RALGPS1: variants seen among roughly 807,000 people sequenced by gnomAD.
RALGPS1 encodes ras-specific guanine nucleotide-releasing factor RalGPS1.
Under a neutral mutation model 78.8 loss-of-function variants are expected in RALGPS1, and 19 were observed. The ratio of observed to expected loss-of-function variants is 0.24; its 90% CI spans 0.17 to 0.35. The LOEUF is 0.35. Ranked by LOEUF, RALGPS1 falls within the 10% of genes least tolerant of loss-of-function variation. The pLI, the probability that RALGPS1 is intolerant of heterozygous loss-of-function variation, is 1.00. For missense variants in RALGPS1, 454 were observed against 688.3 expected (o/e 0.66, Z 3.81); for synonymous variants, 228 against 256.3 (o/e 0.89, Z 1.06).
intron 8 of RALGPS1, among the ~76,000 whole-genome samples, chr9:127,109,246 A>T (rs1166315847): frequency 6.6e-6 from 1 of 152,100 alleles, no homozygotes; most frequent in Non-Finnish European, 1.5e-5. Flanking sequence ...TGTAATACCC[A>T]TCACCGCTGT....
intron 1 of RALGPS1, among the ~76,000 whole-genome samples, chr9:126,943,997 C>T (rs1045403485): frequency 4.6e-5 from 7 of 152,230 alleles, no homozygotes; most frequent in African/African-American, 1.7e-4. Flanking sequence ...CATTATAAGC[C>T]TGGCACCCTA....
intron 8 of RALGPS1, among the ~76,000 whole-genome samples, chr9:127,102,355 G>A: frequency 6.6e-6 from 1 of 151,296 alleles, no homozygotes; most frequent in East Asian, 1.9e-4. Context: ...TGGGGGTGGG[G>A]GTGGAGGGGG....
chr9:127,175,417 T>G (rs1351168838), intron 11 of RALGPS1, among the ~76,000 whole-genome samples: 1 of 152,256 alleles, frequency 6.6e-6, no homozygotes, highest in African/African-American at 2.4e-5. Context: ...TAAAGTGCTC[T>G]GCTCACACTG....
chr9:127,043,381 A>G (rs968777970), intron 5 of RALGPS1, among the ~76,000 whole-genome samples: 5 of 135,560 alleles, frequency 3.7e-5, no homozygotes, highest in Admixed American at 7.6e-5. Context: ...GGAAGAATTT[A>G]AATATTTGTG....
intron 8 of RALGPS1, among the ~76,000 whole-genome samples, chr9:127,113,649 G>A (rs115299279): frequency 0.011 from 1,681 of 152,208 alleles, 31 homozygotes; most frequent in African/African-American, 0.038. Context: ...AAATAAAAAC[G>A]ATTCTTAAAA....
intron 1 of RALGPS1, among the ~76,000 whole-genome samples, chr9:126,958,554 A>G (rs1483821961): frequency 6.6e-6 from 1 of 152,046 alleles, no homozygotes; most frequent in Non-Finnish European, 1.5e-5. Flanking sequence ...TTCCCCGAGC[A>G]TGTGTTTTAA....
In RALGPS1 at chr9:127,218,543, G is replaced by A. The variant is rs369162294; in HGVS notation, c.1645-197G>A. ...GAGGACTCAAGAACGCAGTGCATGC[G>A]GTGGATTCAGAGCAGTGCCTGGCAC... On this transcript the variant is annotated intron_variant, in intron 18 of 18. Coordinates refer to ENST00000259351, the MANE Select transcript of RALGPS1 (RefSeq NM_014636.3). This position sits in a 1 kb window ranked among gnomAD's most constrained non-coding sequence, Gnocchi z 4.4. Among the ~76,000 whole-genome samples, 6 of 152,272 alleles carry A rather than the reference G, an allele frequency of 3.9e-5. No individual in the cohort carries two copies. Among genetic ancestry groups the A allele is most frequent in the East Asian group, 1.9e-4 (1 of 5,184 alleles).
chr9:127,193,317 G>T (rs1340824421), intron 11 of RALGPS1, among the ~76,000 whole-genome samples: 3 of 152,234 alleles, frequency 2.0e-5, no homozygotes, highest in Non-Finnish European at 2.9e-5. Flanking sequence ...AAGGGGTGGG[G>T]TCTTGGAGTT....
chr9:127,206,959 T>C (rs1208795585), intron 14 of RALGPS1, among the ~76,000 whole-genome samples: 3 of 152,124 alleles, frequency 2.0e-5, no homozygotes, highest in African/African-American at 7.2e-5. Context: ...CAAGTGACTC[T>C]ACGTCTCCAA....
intron 4 of RALGPS1, among the ~76,000 whole-genome samples, chr9:127,002,715 C>G (rs12337338): frequency 6.6e-6 from 1 of 150,386 alleles, no homozygotes; most frequent in African/African-American, 2.4e-5. Flanking sequence ...TTTGTTCTTG[C>G]GATAGTTTAC....
At chr9:126,969,210 A>G (rs764664814) in intron 3 of RALGPS1, among the ~76,000 whole-genome samples, 3 of 152,222 alleles carry the variant, frequency 2.0e-5, no homozygotes, top group African/African-American at 4.8e-5. Context: ...TTTTCTTTAC[A>G]AGCTAAGTCT....
At chr9:127,089,200 T>C in intron 8 of RALGPS1, 2 of 1,563,428 alleles carry the variant, frequency 1.3e-6, no homozygotes, top group South Asian at 1.1e-5. Flanking sequence ...GCGTCCATAG[T>C]GCTCAGGGCT....
intron 8 of RALGPS1, among the ~76,000 whole-genome samples, chr9:127,156,078 G>A (rs552802677): frequency 6.6e-6 from 1 of 152,234 alleles, no homozygotes; most frequent in South Asian, 2.1e-4. Context: ...CATACCTGAT[G>A]TTTTTCACTT....
chr9:127,165,552 G>A (rs2059253501), intron 8 of RALGPS1, among the ~76,000 whole-genome samples: 1 of 152,158 alleles, frequency 6.6e-6, no homozygotes, highest in Non-Finnish European at 1.5e-5. Context: ...GCTTTAGAGG[G>A]AATTTTTTGT....
intron 1 of RALGPS1, among the ~76,000 whole-genome samples, chr9:126,947,242 C>T (rs976621513): frequency 2.6e-5 from 4 of 152,192 alleles, no homozygotes; most frequent in Non-Finnish European, 5.9e-5. Flanking sequence ...CCAGGCTCTG[C>T]ACCAGCCACT....
chr9:127,166,527 G>T (rs1321471849), intron 9 of RALGPS1, among the ~76,000 whole-genome samples: 1 of 152,114 alleles, frequency 6.6e-6, no homozygotes, highest in African/African-American at 2.4e-5. Flanking sequence ...AGAGCTTTCT[G>T]GGCAGCTCTC....
intron 3 of RALGPS1, among the ~76,000 whole-genome samples, chr9:126,969,896 C>T (rs1487833152): frequency 6.6e-6 from 1 of 152,148 alleles, no homozygotes; most frequent in Non-Finnish European, 1.5e-5. Context: ...GCTGTCCCTG[C>T]TGGAGCTAGT....
intron 3 of RALGPS1, among the ~76,000 whole-genome samples, chr9:126,969,977 G>A (rs1289157536): frequency 1.3e-5 from 2 of 152,170 alleles, no homozygotes; most frequent in African/African-American, 4.8e-5. Flanking sequence ...GGAGTGCCTA[G>A]GTGTTAGAAT....
chr9:127,075,021 G>A (rs2050554719), intron 8 of RALGPS1, among the ~76,000 whole-genome samples: 1 of 152,230 alleles, frequency 6.6e-6, no homozygotes, highest in Non-Finnish European at 1.5e-5. Context: ...GGGCTTCCAA[G>A]GGCATTGGTC....
Sources: gnomAD v4.1 joint callset for allele counts (sites outside exome capture counted in the v4.1 genomes callset) on GRCh38, gnomAD v4.1.1 for gene constraint, Gnocchi (gnomAD v3.1) non-coding constraint, MANE v1.5 for transcripts, NCBI Gene and HGNC (gene_info 2026-07-23, HGNC 2026-07-21) for gene names.